SP100: variants seen among roughly 807,000 people sequenced by gnomAD.
SP100 encodes the protein nuclear autoantigen Sp-100.
A neutral mutation model predicts 130.0 loss-of-function variants in SP100; 84 were observed. The ratio of observed to expected loss-of-function variants is 0.65; its 90% CI spans 0.54 to 0.77. The LOEUF (loss-of-function observed/expected upper bound fraction) is 0.77, where lower values mean the gene tolerates loss of function less well. Ranked by LOEUF, SP100 falls within the 30% of genes least tolerant of loss-of-function variation. The pLI, the probability that SP100 is intolerant of heterozygous loss-of-function variation, is 0.00. For synonymous variants in SP100, 331 were observed against 351.7 expected, an observed-to-expected ratio of 0.94 and a Z score of 0.66; for missense variants, 978 against 1,052.2, an observed-to-expected ratio of 0.93 and a Z score of 0.97.
intron 2 of SP100, chr2:230,440,567 T>C: frequency 7.2e-7 from 1 of 1,384,664 alleles, no homozygotes; most frequent in Non-Finnish European, 9.4e-7. Flanking sequence ...TGTAAGTAAA[T>C]GGAGAGATAT....
intron 17 of SP100, among the ~76,000 whole-genome samples, chr2:230,479,671 G>A (rs2065741839): frequency 6.6e-6 from 1 of 152,232 alleles, no homozygotes; most frequent in Admixed American, 6.5e-5. Flanking sequence ...GGAAGAAACA[G>A]CCAGATTTAA....
chr2:230,430,472 T>C (rs1186787484), intron 2 of SP100, among the ~76,000 whole-genome samples: 2 of 152,212 alleles, frequency 1.3e-5, no homozygotes, highest in African/African-American at 2.4e-5. Flanking sequence ...CTTCAAACTT[T>C]ATCAGAGTTG....
chr2:230,449,340 A>G, intron 6 of SP100, 190 bp downstream of exon 6: 1 of 781,142 alleles, frequency 1.3e-6, no homozygotes, highest in Non-Finnish European at 2.3e-6. Context: ...TCTTCCTCCC[A>G]CACCCCTTAA....
At chr2:230,511,407 G>T (rs559468641) in intron 24 of SP100, among the ~76,000 whole-genome samples, 1 of 152,292 alleles carries the variant, frequency 6.6e-6, no homozygotes, top group South Asian at 2.1e-4. Flanking sequence ...GAGTATAGGA[G>T]GCTGAGCTCT....
At chr2:230,515,316 T>A in intron 24 of SP100, 1 of 1,613,354 alleles carries the variant, frequency 6.2e-7, no homozygotes, top group Non-Finnish European at 8.5e-7. Flanking sequence ...CCAAGAGGCC[T>A]CCTTTGGCCT....
chr2:230,494,970 G>A (rs1040065254), intron 18 of SP100, among the ~76,000 whole-genome samples: 7 of 152,190 alleles, frequency 4.6e-5, no homozygotes, highest in African/African-American at 1.7e-4. Flanking sequence ...GTGACAAATA[G>A]CAATATGCCT....
chr2:230,494,392 A>T, intron 17 of SP100, 24 bp from the exon 18 acceptor site: 1 of 1,512,914 alleles, frequency 6.6e-7, no homozygotes, highest in Non-Finnish European at 9.2e-7. Flanking sequence ...CTAAAGGATT[A>T]TTTTCTTTCT....
At chr2:230,512,276 C>CTTTTTTT (rs34753799) in intron 24 of SP100, among the ~76,000 whole-genome samples, 2 of 76,068 alleles carry the variant, frequency 2.6e-5, no homozygotes, top group Admixed American at 1.9e-4. Flanking sequence ...ATTGAAATGC[C>CTTTTTTT]TTTTTTTTTT....
At chr2:230,516,954 A>G (rs1690946332) in intron 24 of SP100, among the ~76,000 whole-genome samples, 1 of 152,210 alleles carries the variant, frequency 6.6e-6, no homozygotes, top group Non-Finnish European at 1.5e-5. Context: ...ACATATCTAT[A>G]CAAATATTAC....
At chr2:230,462,749 C>T (rs2064724508) in intron 10 of SP100, 3 of 495,100 alleles carry the variant, frequency 6.1e-6, no homozygotes, top group East Asian at 3.8e-5. Flanking sequence ...TTCTATTAAT[C>T]AATATTCATA....
chr2:230,466,184 C>CAAAAAAAAAAAAAAAAAAAAA (rs57983447), intron 11 of SP100, 117 bp from the exon 12 acceptor site: 1 of 234,862 alleles, frequency 4.3e-6, no homozygotes. Context: ...GACTCCATCT[C>CAAAAAAAAAAAAAAAAAAAAA]AAAAAAAAAA....
intron 15 of SP100, among the ~76,000 whole-genome samples, chr2:230,471,940 A>G (rs1472016523): frequency 6.6e-6 from 1 of 152,182 alleles, no homozygotes; most frequent in African/African-American, 2.4e-5. Flanking sequence ...ACGTGAAAAT[A>G]AAGTTGCTGA....
At position 230,505,153 on chromosome 2, in the gene SP100, G is replaced by A. The variant is rs550033112; in HGVS notation, c.1870+863G>A. The stretch of plus-strand genomic sequence containing the variant: ...CCAACCTTGCATATAGGCCCTCTAA[G>A]GAAAGTCTCAGGCCCACTCTGTTAA... On this transcript the variant is annotated intron_variant, in intron 21 of 28. Coordinates refer to ENST00000340126, the MANE Select transcript of SP100 (RefSeq NM_001080391.2). 2.6e-5 allele frequency among the ~76,000 whole-genome samples: 4 copies of A among 152,164 alleles called. No individual in the cohort carries two copies. In the East Asian group the frequency reaches 5.8e-4, roughly 22 times the overall value.
At chr2:230,459,088 C>G (rs763245847) in intron 8 of SP100, among the ~76,000 whole-genome samples, 1 of 151,742 alleles carries the variant, frequency 6.6e-6, no homozygotes, top group Non-Finnish European at 1.5e-5. Context: ...GGTTCTGTCT[C>G]TAAGAGACAA....
intron 5 of SP100, among the ~76,000 whole-genome samples, chr2:230,447,367 A>G (rs934990208): frequency 2.0e-5 from 3 of 152,176 alleles, no homozygotes; most frequent in Non-Finnish European, 4.4e-5. Flanking sequence ...CTCTGTAGAT[A>G]CCATCTGATA....
intron 2 of SP100, among the ~76,000 whole-genome samples, chr2:230,427,424 G>T (rs2062966567): frequency 6.6e-6 from 1 of 152,126 alleles, no homozygotes; most frequent in Non-Finnish European, 1.5e-5. Context: ...GCCTTCCAAA[G>T]TGCTGGGATT....
intron 14 of SP100, chr2:230,469,425 T>C: frequency 2.0e-6 from 1 of 487,932 alleles, no homozygotes; most frequent in South Asian, 1.5e-5. Context: ...ATGGTTCCCT[T>C]GGATAAGAAA....
chr2:230,455,783 C>A (rs2064244952), intron 8 of SP100, among the ~76,000 whole-genome samples: 1 of 152,098 alleles, frequency 6.6e-6, no homozygotes, highest in Non-Finnish European at 1.5e-5. Context: ...TTTGTGTAAT[C>A]ACTGTAAGTT....
In SP100 at chr2:230,541,370, T is replaced by C; in HGVS notation, c.2401T>C (p.Tyr801His). The C allele has an allele frequency of 1.2e-6, 2 of 1,612,840 alleles. No homozygotes were observed. The highest frequency in any genetic ancestry group is 1.7e-6 in the Non-Finnish European group (2 of 1,178,916). Residue 801 changes from tyrosine to histidine, a missense_variant and splice_region_variant, in exon 27 of 29, where the codon TAT becomes CAT. Tyr to His is a moderately conservative substitution (Grantham distance 83, BLOSUM62 2). Coordinates refer to ENST00000340126, the MANE Select transcript of SP100 (RefSeq NM_001080391.2). Reference protein sequence around the residue: ...KSCFFASEPYYNREGSQGPQK... With the variant: ...KSCFFASEPYHNREGSQGPQK... The stretch of plus-strand genomic sequence containing the variant: ...CTGCTTTTTCGCCTCAGAACCGTAT[T>C]ATGTAAGTAACAGCCAAACAAAAAT...
Sources: gnomAD v4.1 joint callset for allele counts (sites outside exome capture counted in the v4.1 genomes callset) on GRCh38, gnomAD v4.1.1 for gene constraint, MANE v1.5 for transcripts, NCBI Gene and HGNC (gene_info 2026-07-23, HGNC 2026-07-21) for gene names.